The following PLEKHA7 variants were observed in gnomAD, a reference collection of about 807,000 sequenced individuals.
The protein encoded by PLEKHA7 is pleckstrin homology domain-containing family A member 7.
Under a neutral mutation model 170.0 loss-of-function variants are expected in PLEKHA7, and 104 were observed. That is an observed-to-expected ratio of 0.61 (90% CI 0.52 to 0.72). The LOEUF is 0.72. Among genes scored for constraint, PLEKHA7 ranks in the 30% least tolerant of loss-of-function variants. The pLI is 0.00. For missense variants in PLEKHA7, 1,615 were observed against 1,671.7 expected (o/e 0.97, Z 0.59); for synonymous variants, 648 against 660.8 (o/e 0.98, Z 0.30).
chr11:16,886,441 T>C (rs922615502), intron 3 of PLEKHA7, among the ~76,000 whole-genome samples: 3 of 152,228 alleles, frequency 2.0e-5, no homozygotes, highest in Non-Finnish European at 2.9e-5. Context: ...CTGGGCGCAG[T>C]GGCTCATGCC....
Position 16,997,652 on chromosome 11 carries a change from A to G in PLEKHA7, c.221+16337T>C, listed in dbSNP as rs527668255. Among the ~76,000 whole-genome samples the G allele has an allele frequency of 3.9e-5, 6 of 152,288 alleles. No individual in the cohort carries two copies. The South Asian group carries it at 1.2e-3, about 32-fold the overall frequency. Reference sequence around the variant, plus strand: ...AGGTCTCTGAGCCCCAGCACAGCCTATACCCTCCCTCAGGGGCTCTCTGCA... The same window carrying G: ...AGGTCTCTGAGCCCCAGCACAGCCTGTACCCTCCCTCAGGGGCTCTCTGCA... On this transcript the variant is annotated intron_variant, in intron 3 of 26. Coordinates refer to ENST00000531066, the MANE Select transcript of PLEKHA7 (RefSeq NM_001329630.2).
chr11:16,917,547 T>G (rs769150473), intron 3 of PLEKHA7, among the ~76,000 whole-genome samples: 1 of 152,210 alleles, frequency 6.6e-6, no homozygotes, highest in African/African-American at 2.4e-5. Context: ...CCACATTCCT[T>G]GGCTCAAGGG....
chr11:16,786,082 A>T, intron 24 of PLEKHA7, 147 bp downstream of exon 24: 1 of 929,400 alleles, frequency 1.1e-6, no homozygotes, highest in Non-Finnish European at 1.6e-6. Context: ...TCATTGCCTT[A>T]AGCTGCTATC....
In PLEKHA7 at chr11:16,837,900, A is replaced by G. The variant is rs77911046; in HGVS notation, c.872+3647T>C. 9.8e-5 allele frequency among the ~76,000 whole-genome samples: 15 copies of G among 152,326 alleles called. No homozygotes were observed. The East Asian group carries it at 2.5e-3, about 25-fold the overall frequency. Reference sequence around the variant, plus strand: ...CCCTACTCTCCTGTAGTTGAGCTCCAGGCCCAACTATCGGTGGTGCCCCAG... The same window carrying G: ...CCCTACTCTCCTGTAGTTGAGCTCCGGGCCCAACTATCGGTGGTGCCCCAG... On this transcript the variant is annotated intron_variant, in intron 9 of 26. Coordinates refer to ENST00000531066, the MANE Select transcript of PLEKHA7 (RefSeq NM_001329630.2).
intron 3 of PLEKHA7, among the ~76,000 whole-genome samples, chr11:16,985,295 G>T (rs1055610614): frequency 2.0e-5 from 3 of 152,208 alleles, no homozygotes; most frequent in Admixed American, 1.3e-4. Context: ...GTGAATTGCT[G>T]TTCATTTTAC....
chr11:16,975,990 C>T (rs1863037691), intron 3 of PLEKHA7, among the ~76,000 whole-genome samples: 1 of 152,250 alleles, frequency 6.6e-6, no homozygotes, highest in African/African-American at 2.4e-5. Flanking sequence ...AGCCGGCCCC[C>T]ACCTCAGGAA....
At chr11:16,880,694 T>G (rs553529853) in intron 3 of PLEKHA7, among the ~76,000 whole-genome samples, 1 of 152,324 alleles carries the variant, frequency 6.6e-6, no homozygotes, top group Admixed American at 6.5e-5. Flanking sequence ...CCAGCCACAC[T>G]TCCATCCCCG....
Position 16,817,267 on chromosome 11 carries a change from G to C in PLEKHA7, c.1399C>G (p.Pro467Ala), listed in dbSNP as rs746823146. 8.7e-6 allele frequency: 14 copies of C among 1,613,368 alleles called. No individual in the cohort carries two copies. The change falls in exon 11 of 27, where the codon CCA becomes GCA. Residue 467 changes from proline (P) to alanine (A), a missense_variant. Physicochemically the swap from Pro to Ala is conservative, Grantham distance 27 (BLOSUM62 -1). Coordinates refer to ENST00000531066, the MANE Select transcript of PLEKHA7 (RefSeq NM_001329630.2). This position sits in a 1 kb window ranked among gnomAD's most constrained non-coding sequence, Gnocchi z 4.4. ...RQGPGQSLSFPENYQTLPKST... is the reference protein window; with the variant it reads ...RQGPGQSLSFAENYQTLPKST... ...TTGGGAAGAGTCTGGTAGTTTTCTG[G>C]GAAGGACAGGGATTGGCCAGGACCC... is the stretch of plus-strand genomic sequence containing the variant.
Position 16,976,520 on chromosome 11 carries a change from T to C in PLEKHA7, c.221+37469A>G, listed in dbSNP as rs530330719. 5.9e-5 allele frequency among the ~76,000 whole-genome samples: 9 copies of C among 152,320 alleles called. No individual in the cohort carries two copies. In the East Asian group the frequency reaches 1.7e-3, roughly 29 times the overall value. On this transcript the variant is annotated intron_variant, in intron 3 of 26. Transcript: ENST00000531066. ...CAGAATGCTGACAAGCACAGAGACGTAGCAATGTGCTGTACAACTTGAAGG... is the reference window on the plus strand; with the variant it reads ...CAGAATGCTGACAAGCACAGAGACGCAGCAATGTGCTGTACAACTTGAAGG...
chr11:16,872,676 T>C (rs550798155), intron 3 of PLEKHA7, among the ~76,000 whole-genome samples: 37 of 152,288 alleles, frequency 2.4e-4, no homozygotes, highest in South Asian at 4.1e-4. Flanking sequence ...CATGCCACCA[T>C]GCCCAGCTAA....
intron 3 of PLEKHA7, among the ~76,000 whole-genome samples, chr11:17,004,095 T>G (rs546274243): frequency 1.3e-5 from 2 of 152,312 alleles, no homozygotes; most frequent in South Asian, 4.1e-4. Context: ...ACATGATGCA[T>G]CTGGCCGAAG....
At chr11:16,966,390 C>T (rs1184711054) in intron 3 of PLEKHA7, among the ~76,000 whole-genome samples, 2 of 151,954 alleles carry the variant, frequency 1.3e-5, no homozygotes, top group Non-Finnish European at 2.9e-5. Context: ...CAGGCAACCA[C>T]TAGTGTGACA....
chr11:16,865,126 G>C (rs1854278597), intron 4 of PLEKHA7, among the ~76,000 whole-genome samples: 1 of 152,214 alleles, frequency 6.6e-6, no homozygotes, highest in Non-Finnish European at 1.5e-5. Flanking sequence ...TTAGTATCTA[G>C]AACATGGTGT....
intron 3 of PLEKHA7, among the ~76,000 whole-genome samples, chr11:16,916,904 G>A (rs1372179925): frequency 1.3e-5 from 2 of 152,106 alleles, no homozygotes; most frequent in Admixed American, 6.5e-5. Context: ...GCCCTATTCG[G>A]ACACTACCAC....
intron 3 of PLEKHA7, among the ~76,000 whole-genome samples, chr11:16,929,689 T>C (rs1290095637): frequency 6.6e-6 from 1 of 152,182 alleles, no homozygotes; most frequent in South Asian, 2.1e-4. Flanking sequence ...CACCTCAGTG[T>C]AGGGGATTAT....
Position 16,791,355 on chromosome 11 carries a change from G to T in PLEKHA7, c.2746-156C>A. Reference sequence around the variant, plus strand: ...GCCAAGGAGCACTCACACTTCCCCTGGCGGAGCAGTGAAGAAGGGACATGC... The same window carrying T: ...GCCAAGGAGCACTCACACTTCCCCTTGCGGAGCAGTGAAGAAGGGACATGC... On this transcript the variant is annotated intron_variant, in intron 19 of 26. Coordinates refer to ENST00000531066, the MANE Select transcript of PLEKHA7 (RefSeq NM_001329630.2). The surrounding 1 kb of genome is among the most constrained non-coding windows in gnomAD (Gnocchi z 4.5). The T allele has an allele frequency of 1.5e-6, 1 of 681,016 alleles. No individual in the cohort carries two copies. Among genetic ancestry groups the T allele is most frequent in the Non-Finnish European group, 2.5e-6 (1 of 401,642 alleles). The allele number at this position is 681,016 out of a possible 1,614,324, so 42.2% of individuals were successfully genotyped here.
chr11:16,785,889 C>A (rs1195529383), intron 24 of PLEKHA7, among the ~76,000 whole-genome samples: 6 of 152,224 alleles, frequency 3.9e-5, no homozygotes, highest in African/African-American at 1.4e-4. Context: ...ACAATAACAA[C>A]TGCTGCTCAC....
At chr11:16,969,524 C>T (rs1862582624) in intron 3 of PLEKHA7, among the ~76,000 whole-genome samples, 1 of 152,112 alleles carries the variant, frequency 6.6e-6, no homozygotes. Flanking sequence ...CTACATATTG[C>T]AATATGATGG....
chr11:16,980,671 C>G (rs1863370692), intron 3 of PLEKHA7, among the ~76,000 whole-genome samples: 1 of 151,998 alleles, frequency 6.6e-6, no homozygotes, highest in Non-Finnish European at 1.5e-5. Context: ...ACCTATAATC[C>G]CTGCACTTTG....
Sources: gnomAD v4.1 joint callset for allele counts (sites outside exome capture counted in the v4.1 genomes callset) on GRCh38, gnomAD v4.1.1 for gene constraint, Gnocchi (gnomAD v3.1) non-coding constraint, MANE v1.5 for transcripts, NCBI Gene and HGNC (gene_info 2026-07-23, HGNC 2026-07-21) for gene names.